The following CCDC93 variants were observed in gnomAD, a reference collection of about 807,000 sequenced individuals.
CCDC93 encodes CCC complex scaffolding subunit CCDC93, also known as coiled-coil domain-containing protein 93.
Under a neutral mutation model 108.2 loss-of-function variants are expected in CCDC93, and 61 were observed. The ratio of observed to expected loss-of-function variants is 0.56; its 90% CI spans 0.46 to 0.70. CCDC93 has a LOEUF of 0.70. CCDC93 is among the 30% of genes least tolerant of loss of function. The pLI is 0.00. For synonymous variants in CCDC93, 276 were observed against 260.4 expected (o/e 1.06, Z -0.58); for missense variants, 685 against 764.2 (o/e 0.90, Z 1.22).
rs1332057733 is a variant in CCDC93 at position 117,918,316 on chromosome 2, A to T, written c.*2027T>A. The T allele has an allele frequency of 1.4e-5, 2 of 144,424 alleles. No homozygotes were observed. Among genetic ancestry groups the T allele is most frequent in the Non-Finnish European group, 3.1e-5 (2 of 65,440 alleles). The allele number at this position is 144,424 out of a possible 1,614,324, so 8.9% of individuals were successfully genotyped here. A position where few individuals can be genotyped will look rare whatever the true frequency, so the allele number is the denominator to read the frequency against. On this transcript the variant is annotated 3_prime_UTR_variant, in exon 24 of 24. Transcript: ENST00000376300. ...TTTATCCGTAGTAGGCCTTGTCGAT[A>T]AAAAAAAAAAGGGAATAGAGATCTA... is the stretch of plus-strand genomic sequence containing the variant.
At chr2:117,950,009 T>C (rs1041332020) in intron 13 of CCDC93, 12 of 985,420 alleles carry the variant, frequency 1.2e-5, no homozygotes, top group Non-Finnish European at 1.3e-5. Context: ...AGCTGGTGCT[T>C]AAGTCTCAGA....
At chr2:117,992,290 TGGA>T (rs1170826008) in intron 6 of CCDC93, among the ~76,000 whole-genome samples, 1 of 152,106 alleles carries the variant, frequency 6.6e-6, no homozygotes, top group African/African-American at 2.4e-5. Flanking sequence ...CCACCCAGGG[TGGA>T]GTATAGTGGC....
chr2:117,988,495 T>G (rs1036765690), intron 6 of CCDC93, among the ~76,000 whole-genome samples: 1 of 152,216 alleles, frequency 6.6e-6, no homozygotes, highest in Non-Finnish European at 1.5e-5. Context: ...GGCCAGCCCA[T>G]GCCCAACTCA....
intron 22 of CCDC93, chr2:117,931,413 G>A (rs1300285286): frequency 8.7e-6 from 3 of 346,034 alleles, no homozygotes; most frequent in Non-Finnish European, 1.6e-5. Context: ...ACAGGTTGGT[G>A]ATTCTCAACT....
rs77448548 is a variant in CCDC93, at chr2:117,986,183, G to A, written c.520-114C>T. On this transcript the variant is annotated intron_variant, in intron 6 of 23. Coordinates refer to ENST00000376300, the MANE Select transcript of CCDC93 (RefSeq NM_019044.5). Reference sequence around the variant, plus strand: ...CTCTTTTTTTTTTTTTTTTTTTTTTGAGACAGAGTCTCGCTCTGTCGCTCA... The same window carrying A: ...CTCTTTTTTTTTTTTTTTTTTTTTTAAGACAGAGTCTCGCTCTGTCGCTCA... 6 of 343,598 alleles carry A rather than the reference G, an allele frequency of 1.7e-5. No individual in the cohort carries two copies. In the East Asian group the frequency reaches 3.0e-4, roughly 17 times the overall value. 21.3% of individuals were successfully genotyped at this position (343,598 alleles called of 1,614,324 possible).
chr2:117,984,231 C>T (rs74585948), intron 7 of CCDC93, among the ~76,000 whole-genome samples: 1 of 152,124 alleles, frequency 6.6e-6, no homozygotes, highest in Non-Finnish European at 1.5e-5. Context: ...ACCCCCAAAC[C>T]TAAAACCTTC....
chr2:117,922,569 C>T (rs1209010669), intron 23 of CCDC93, among the ~76,000 whole-genome samples: 5 of 152,110 alleles, frequency 3.3e-5, no homozygotes, highest in African/African-American at 4.8e-5. Flanking sequence ...GCCCATTTAA[C>T]GTGGGGTAAA....
chr2:118,006,122 G>C (rs1676860353), intron 3 of CCDC93, among the ~76,000 whole-genome samples: 1 of 152,004 alleles, frequency 6.6e-6, no homozygotes, highest in African/African-American at 2.4e-5. Flanking sequence ...TTTTCTCTTG[G>C]GAGAAGGTAA....
chr2:117,941,076 TG>T, intron 19 of CCDC93, 112 bp downstream of exon 19: 1 of 725,916 alleles, frequency 1.4e-6, no homozygotes, highest in Non-Finnish European at 2.4e-6. Context: ...AGCTTTCCGG[TG>T]GTGGCCTTTG....
intron 2 of CCDC93, 25 bp from the exon 3 acceptor site, chr2:118,006,841 G>C (rs761724347): frequency 1.4e-6 from 2 of 1,454,224 alleles, no homozygotes; most frequent in South Asian, 2.3e-5. Flanking sequence ...GAAAATATTT[G>C]TTTTCTCTTT....
intron 6 of CCDC93, among the ~76,000 whole-genome samples, chr2:117,990,027 A>G (rs193168281): frequency 6.6e-6 from 1 of 152,332 alleles, no homozygotes; most frequent in East Asian, 1.9e-4. Flanking sequence ...TTCTCATACA[A>G]AAGTCTAAAC....
At chr2:117,949,096 T>C (rs1678968870) in intron 14 of CCDC93, among the ~76,000 whole-genome samples, 1 of 152,172 alleles carries the variant, frequency 6.6e-6, no homozygotes, top group African/African-American at 2.4e-5. Flanking sequence ...GCTGCTTCTG[T>C]ACACAAGGGG....
Position 117,926,355 on chromosome 2 carries a change from A to AATTG in CCDC93, c.1842+4678_1842+4681dup, listed in dbSNP as rs1678095058. Among the ~76,000 whole-genome samples the AATTG allele has an allele frequency of 2.0e-5, 3 of 152,184 alleles. No homozygotes were observed. In the East Asian group the frequency reaches 5.8e-4, roughly 29 times the overall value. ...GCTGGTTTTTTGAAAAGATCAACAA[A>AATTG]ATTGATAGACTGCTAGCAAGACTAA... On this transcript the variant is annotated intron_variant, in intron 23 of 23. Coordinates refer to ENST00000376300, the MANE Select transcript of CCDC93 (RefSeq NM_019044.5).
At position 117,951,583 on chromosome 2, in the gene CCDC93, A is replaced by G. The variant is rs1241378423; in HGVS notation, c.1068+790T>C. On this transcript the variant is annotated intron_variant, in intron 13 of 23. Coordinates refer to ENST00000376300, the MANE Select transcript of CCDC93 (RefSeq NM_019044.5). ...ACGTCTTTGAAGATCCTAGCTTCCA[A>G]ATCGTCCAGGAAGTACGAGGTAGGG... 1.0e-5 allele frequency: 10 copies of G among 1,000,052 alleles called. No homozygotes were observed. In the Admixed American group the frequency reaches 6.1e-4, roughly 61 times the overall value. The allele number at this position is 1,000,052 out of a possible 1,614,324, so 61.9% of individuals were successfully genotyped here.
At chr2:117,932,239 T>A (rs1678362539) in intron 22 of CCDC93, among the ~76,000 whole-genome samples, 1 of 152,222 alleles carries the variant, frequency 6.6e-6, no homozygotes, top group South Asian at 2.1e-4. Flanking sequence ...TGGCCGGTGC[T>A]CAAAAGCTTG....
chr2:117,944,145 A>G (rs1355576455), intron 17 of CCDC93, 59 bp from the exon 18 acceptor site: 1 of 1,196,660 alleles, frequency 8.4e-7, no homozygotes, highest in East Asian at 2.4e-5. Flanking sequence ...TCTTTAATGG[A>G]GTCTTTGAAA....
At chr2:117,958,867 G>A (rs190804935) in intron 11 of CCDC93, among the ~76,000 whole-genome samples, 20 of 152,288 alleles carry the variant, frequency 1.3e-4, no homozygotes, top group Admixed American at 1.2e-3. Context: ...TGTGATCGAA[G>A]TATTATAAGC....
rs1470600453 is a variant in CCDC93 at position 117,992,766 on chromosome 2, T to A, written c.519+2680A>T. Among the ~76,000 whole-genome samples, 15 of 140,816 alleles carry A rather than the reference T, an allele frequency of 1.1e-4. No individual in the cohort carries two copies. The East Asian group carries it at 2.8e-3, about 26-fold the overall frequency. The allele number at this position is 140,816 out of a possible 152,430, so 92.4% of individuals were successfully genotyped here. Reference sequence around the variant, plus strand: ...TACTTCATGGGATTGTTGTGAGGACTAGATGAGTTAGAGATGAACACCCAG... The same window carrying A: ...TACTTCATGGGATTGTTGTGAGGACAAGATGAGTTAGAGATGAACACCCAG... On this transcript the variant is annotated intron_variant, in intron 6 of 23. Transcript: ENST00000376300.
chr2:117,971,882 A>G (rs535230775), intron 11 of CCDC93, among the ~76,000 whole-genome samples: 1 of 152,358 alleles, frequency 6.6e-6, no homozygotes, highest in Non-Finnish European at 1.5e-5. Flanking sequence ...TTGAAAAACC[A>G]TCAGCTTTAA....
Sources: allele counts gnomAD v4.1 joint callset (sites outside exome capture counted in the v4.1 genomes callset), GRCh38; gene constraint gnomAD v4.1.1; transcripts MANE v1.5; gene names NCBI Gene and HGNC (gene_info 2026-07-23, HGNC 2026-07-21).